The following ABLIM1 variants were observed in gnomAD, a reference collection of about 807,000 sequenced individuals.
ABLIM1 encodes the protein actin binding LIM protein 1, also known as actin-binding LIM protein 1.
ABLIM1 carries 40 observed loss-of-function variants against 107.0 expected under a neutral mutation model. That is an observed-to-expected ratio of 0.37 (90% CI 0.29 to 0.49). ABLIM1 has a LOEUF of 0.49. Ranked by LOEUF, ABLIM1 falls within the 20% of genes least tolerant of loss-of-function variation. The pLI, the probability that ABLIM1 is intolerant of heterozygous loss-of-function variation, is 0.97. For missense variants in ABLIM1, 857 were observed against 1,008.5 expected (o/e 0.85, Z 2.04); for synonymous variants, 357 against 357.3 (o/e 1.00, Z 0.01).
chr10:114,734,021 C>T (rs1020193139), intron 1 of ABLIM1, among the ~76,000 whole-genome samples: 4 of 151,978 alleles, frequency 2.6e-5, no homozygotes, highest in Non-Finnish European at 4.4e-5. Flanking sequence ...CCACCATGCC[C>T]GGCTGATTTT....
the ABLIM1 span, among the ~76,000 whole-genome samples, chr10:114,794,264 A>G: frequency 6.3e-4 from 96 of 152,266 alleles, 1 homozygote; most frequent in Admixed American, 1.4e-3. Flanking sequence ...TCTTCACTAC[A>G]TTTAGTCACC....
chr10:114,651,946 C>T (rs1369147503), intron 1 of ABLIM1, among the ~76,000 whole-genome samples: 1 of 152,164 alleles, frequency 6.6e-6, no homozygotes, highest in Non-Finnish European at 1.5e-5. Context: ...CAGCAGATGC[C>T]GGTCACTACT....
At chr10:114,606,441 G>A (rs978097785) in intron 1 of ABLIM1, among the ~76,000 whole-genome samples, 4 of 152,046 alleles carry the variant, frequency 2.6e-5, no homozygotes, top group South Asian at 2.1e-4. Flanking sequence ...TCCCCATGTT[G>A]GCCAGGATGG....
At chr10:114,690,045 A>C in intron 1 of ABLIM1, 1 of 747,616 alleles carries the variant, frequency 1.3e-6, no homozygotes, top group Non-Finnish European at 2.2e-6. Flanking sequence ...CAGCAAGAGC[A>C]CAAAGATTCT....
At chr10:114,677,033 G>A (rs1178730013) in intron 1 of ABLIM1, among the ~76,000 whole-genome samples, 1 of 152,032 alleles carries the variant, frequency 6.6e-6, no homozygotes, top group African/African-American at 2.4e-5. Context: ...CACCGTGCCT[G>A]GCCAAGTTTA....
intron 8 of ABLIM1, among the ~76,000 whole-genome samples, chr10:114,483,608 CAG>C (rs2057728460): frequency 1.3e-5 from 2 of 152,194 alleles, no homozygotes; most frequent in African/African-American, 4.8e-5. Context: ...TGAGGAAACT[CAG>C]GGGGTTGACC....
rs183355272 is a variant in ABLIM1 at position 114,700,087 on chromosome 10, C to A, written c.-213+67974G>T. ...TTGCTGGGATTATAGGCACAAGTCA[C>A]CACATCCAACCTGTGACTCTACTCT... On this transcript the variant is annotated intron_variant, in intron 1 of 15. Coordinates refer to the ABLIM1 transcript ENST00000651092. Among the ~76,000 whole-genome samples the A allele has an allele frequency of 5.4e-3, 824 of 152,224 alleles. 6 individuals are homozygous for A. Among genetic ancestry groups the A allele is most frequent in the African/African-American group, 0.019 (773 of 41,518 alleles).
chr10:114,589,259 G>C (rs1311371039), intron 2 of ABLIM1, among the ~76,000 whole-genome samples: 1 of 149,370 alleles, frequency 6.7e-6, no homozygotes, highest in Non-Finnish European at 1.5e-5. Flanking sequence ...GCTGGGCACA[G>C]TGGCTTATGC....
At chr10:114,443,785 G>C (rs1236657648) in intron 17 of ABLIM1, among the ~76,000 whole-genome samples, 1 of 151,958 alleles carries the variant, frequency 6.6e-6, no homozygotes, top group Non-Finnish European at 1.5e-5. Flanking sequence ...CTAGTATATG[G>C]GGATTGGCCT....
At chr10:114,694,055 C>T (rs1452164162) in intron 1 of ABLIM1, among the ~76,000 whole-genome samples, 6 of 152,174 alleles carry the variant, frequency 3.9e-5, no homozygotes, top group African/African-American at 1.4e-4. Context: ...TAAAAATATT[C>T]TGAAGTTTTC....
At chr10:114,669,081 C>T (rs2080144139) in intron 1 of ABLIM1, among the ~76,000 whole-genome samples, 1 of 152,224 alleles carries the variant, frequency 6.6e-6, no homozygotes, top group South Asian at 2.1e-4. Flanking sequence ...TTTAGGTTAT[C>T]TTGGAAAAAA....
intron 1 of ABLIM1, among the ~76,000 whole-genome samples, chr10:114,711,982 C>T (rs948610437): frequency 6.6e-6 from 1 of 152,038 alleles, no homozygotes; most frequent in Non-Finnish European, 1.5e-5. Context: ...AGAATGGAAT[C>T]GGAGGAGCAT....
At chr10:114,513,793 C>A (rs2062320307) in intron 6 of ABLIM1, among the ~76,000 whole-genome samples, 2 of 152,210 alleles carry the variant, frequency 1.3e-5, no homozygotes, top group Admixed American at 1.3e-4. Context: ...GATGCCAACA[C>A]TACCAAGAAA....
At chr10:114,637,096 C>CA (rs1163308824) in intron 1 of ABLIM1, among the ~76,000 whole-genome samples, 1 of 144,636 alleles carries the variant, frequency 6.9e-6, no homozygotes, top group African/African-American at 2.6e-5. Flanking sequence ...GATAGAAATG[C>CA]AAGGGGTACT....
At chr10:114,511,072 G>C (rs1477362807) in intron 6 of ABLIM1, among the ~76,000 whole-genome samples, 1 of 152,000 alleles carries the variant, frequency 6.6e-6, no homozygotes, top group Non-Finnish European at 1.5e-5. Context: ...TTCCACTAAA[G>C]TTTAAGTTCC....
intron 1 of ABLIM1, among the ~76,000 whole-genome samples, chr10:114,669,340 A>C (rs2080157051): frequency 6.6e-6 from 1 of 152,218 alleles, no homozygotes; most frequent in African/African-American, 2.4e-5. Flanking sequence ...AACAAACAGC[A>C]CTCACAGAAG....
At chr10:114,597,030 G>T (rs1166614337) in intron 2 of ABLIM1, among the ~76,000 whole-genome samples, 1 of 152,168 alleles carries the variant, frequency 6.6e-6, no homozygotes, top group African/African-American at 2.4e-5. Context: ...TGTGCACTCA[G>T]CCAGGTCTTG....
chr10:114,474,626 C>T (rs184493389), intron 8 of ABLIM1, among the ~76,000 whole-genome samples: 177 of 152,186 alleles, frequency 1.2e-3, no homozygotes, highest in Non-Finnish European at 2.1e-3. Context: ...GTGATCTGCC[C>T]GCCTCCACCT....
intron 6 of ABLIM1, among the ~76,000 whole-genome samples, chr10:114,525,762 A>G (rs956075491): frequency 1.3e-5 from 2 of 152,218 alleles, no homozygotes; most frequent in African/African-American, 2.4e-5. Flanking sequence ...TAAGTCTCCA[A>G]TCTCAGCTAA....
Sources: gnomAD v4.1 joint callset for allele counts (sites outside exome capture counted in the v4.1 genomes callset) on GRCh38, gnomAD v4.1.1 for gene constraint, MANE v1.5 for transcripts, NCBI Gene and HGNC (gene_info 2026-07-23, HGNC 2026-07-21) for gene names.